Variants in PMS2 observed in about 807,000 individuals in gnomAD.
PMS2 encodes the protein PMS1 homolog 2, mismatch repair system component.
PMS2 carries 69 observed loss-of-function variants against 90.0 expected under a neutral mutation model. That is an observed-to-expected ratio of 0.77 (90% CI 0.63 to 0.94). PMS2 has a LOEUF of 0.94. Among genes scored for constraint, PMS2 ranks in the 40% least tolerant of loss-of-function variants. The probability of loss-of-function intolerance (pLI) is 0.00; values close to 1 mark genes in which losing one functional copy is unlikely to be tolerated. For missense variants in PMS2, 966 were observed against 1,040.2 expected (o/e 0.93, Z 0.98); for synonymous variants, 332 against 375.1 (o/e 0.89, Z 1.33).
At chr7:6,008,587 C>CA (rs912531856) in intron 1 of PMS2, among the ~76,000 whole-genome samples, 8 of 148,712 alleles carry the variant, frequency 5.4e-5, no homozygotes, top group Admixed American at 2.7e-4. Flanking sequence ...CCCGTCTCTA[C>CA]AAAAAAAAAT....
At chr7:5,985,578 G>A (rs1782771407) in intron 11 of PMS2, among the ~76,000 whole-genome samples, 1 of 147,546 alleles carries the variant, frequency 6.8e-6, no homozygotes, top group Admixed American at 6.8e-5. Context: ...TTTTGAGATG[G>A]AGTTCGCTCT....
rs1034924383 is a variant in PMS2 at position 6,000,265 on chromosome 7, T to C, written c.538-990A>G. On this transcript the variant is annotated intron_variant, in intron 5 of 14. Coordinates refer to ENST00000265849, the MANE Select transcript of PMS2 (RefSeq NM_000535.7). ...AGCACGGGCCTGGAGTCCCAGCTAC[T>C]TGGGAGGCTGAAGTGGGAAGATTCA... Among the ~76,000 whole-genome samples the C allele has an allele frequency of 4.6e-5, 7 of 151,538 alleles. No homozygotes were observed. In the Admixed American group the frequency reaches 4.6e-4, roughly 10 times the overall value.
Position 5,988,983 on chromosome 7 carries a change from G to C in PMS2, c.1144+817C>G, listed in dbSNP as rs577779232. ...CCATTCTCCTGAGTCAGCCTCCTGA[G>C]TAGCTGGGACTACAGGCGCCCGCCA... On this transcript the variant is annotated intron_variant, in intron 10 of 14. Coordinates refer to ENST00000265849, the MANE Select transcript of PMS2 (RefSeq NM_000535.7). Among the ~76,000 whole-genome samples, 9 of 152,172 alleles carry C rather than the reference G, an allele frequency of 5.9e-5. No individual in the cohort carries two copies. The South Asian group carries it at 1.5e-3, about 25-fold the overall frequency.
Position 5,987,494 on chromosome 7 carries a change from A to G in PMS2, c.1271T>C (p.Phe424Ser), listed in dbSNP as rs876661186. The G allele has an allele frequency of 6.2e-7, 1 of 1,614,156 alleles. No individual in the cohort carries two copies. Among genetic ancestry groups the G allele is most frequent in the Non-Finnish European group, 8.5e-7 (1 of 1,180,026 alleles). The change falls in exon 11 of 15, where the codon TTT becomes TCT. Residue 424 changes from phenylalanine (F) to serine (S), a missense_variant. Around this residue, in one of 2 missense-constraint regions of PMS2, gnomAD observed 871 missense variants for 802.4 expected, o/e 1.09. Coordinates refer to ENST00000265849, the MANE Select transcript of PMS2 (RefSeq NM_000535.7). ...DVSISRLREA[F>S]SLRHTTENKP... ...GTTCTCTGTTGTGTGACGAAGAGAA[A>G]AGGCCTCTCGCAGTCTGGAAATGGA...
chr7:5,993,862 C>CAAAAAAA (rs61677497), intron 8 of PMS2, among the ~76,000 whole-genome samples: 2 of 38,938 alleles, frequency 5.1e-5, no homozygotes, highest in African/African-American at 1.2e-4. Context: ...GACTCTGTCT[C>CAAAAAAA]AAAAAAAAAA....
At chr7:6,002,296 T>C in intron 5 of PMS2, 157 bp downstream of exon 5, 1 of 641,562 alleles carries the variant, frequency 1.6e-6, no homozygotes, top group East Asian at 2.7e-5. Flanking sequence ...ATCCTAAAGT[T>C]AAGTCTTTAA....
At chr7:5,995,440 C>A in intron 8 of PMS2, 94 bp downstream of exon 8, 1 of 783,740 alleles carries the variant, frequency 1.3e-6, no homozygotes, top group East Asian at 2.5e-5. Flanking sequence ...CTCAAAGTCC[C>A]GAGCTCCACG....
Position 5,991,814 on chromosome 7 carries a change from G to A in PMS2, c.988+159C>T, listed in dbSNP as rs151093915. Among the ~76,000 whole-genome samples, 1,221 of 152,168 alleles carry A rather than the reference G, an allele frequency of 8.0e-3. 9 individuals carry two copies. Among genetic ancestry groups the A allele is most frequent in the Non-Finnish European group, 0.012 (784 of 68,010 alleles). ...AGATCACGCCACCACACTCCAGCCT[G>A]GGTGACAGAGCAAGACCCCGTCTCA... On this transcript the variant is annotated intron_variant, in intron 9 of 14. Transcript: ENST00000265849.
intron 8 of PMS2, among the ~76,000 whole-genome samples, chr7:5,994,654 T>G (rs1562660361): frequency 6.6e-6 from 1 of 151,490 alleles, no homozygotes. Context: ...CAGGCACCTG[T>G]AGTCCCAGCT....
At position 6,002,534 on chromosome 7, in the gene PMS2, G is replaced by A. The variant is rs1057522031; in HGVS notation, c.456C>T (p.Pro152=). ...KIIQKTPYPR[P]RGTTVSVQQL... is the part of the protein sequence containing the mutation. ...GCTGCACGCTGACTGTGGTCCCTCT[G>A]GGGCGGGGGTAGGGGGTTTTCTGGA... The change falls in exon 5 of 15, where the codon CCC becomes CCT. Residue 152 remains proline, a synonymous_variant. Coordinates refer to ENST00000265849, the MANE Select transcript of PMS2 (RefSeq NM_000535.7). 1 of 1,611,750 alleles carries A rather than the reference G, an allele frequency of 6.2e-7. No individual in the cohort carries two copies. The highest frequency in any genetic ancestry group is 8.5e-7 in the Non-Finnish European group (1 of 1,179,670).
rs1272859168 is a variant in PMS2, at chr7:5,977,870, T to C, written c.2276-113A>G. ...CGTGGTGGCTCACGCCTGTAATCCC[T>C]GCACTTTGGGAGGCTGAGGCCAGCG... On this transcript the variant is annotated intron_variant, in intron 13 of 14. Transcript: ENST00000265849. 1.1e-4 allele frequency: 167 copies of C among 1,507,422 alleles called. 4 individuals are homozygous for C. In the Admixed American group the frequency reaches 2.7e-3, roughly 25 times the overall value. 93.4% of individuals were successfully genotyped at this position (1,507,422 alleles called of 1,614,324 possible). A position where few individuals can be genotyped will look rare whatever the true frequency, so the allele number is the denominator to read the frequency against.
intron 9 of PMS2, among the ~76,000 whole-genome samples, chr7:5,990,300 G>A (rs1177794947): frequency 1.3e-5 from 2 of 152,134 alleles, no homozygotes; most frequent in South Asian, 2.1e-4. Flanking sequence ...GAGCCACCGC[G>A]CCCAGCCAAA....
chr7:5,977,955 T>C (rs1781883738), intron 13 of PMS2, among the ~76,000 whole-genome samples, 198 bp from the exon 14 acceptor site: 1 of 150,208 alleles, frequency 6.7e-6, no homozygotes, highest in South Asian at 2.1e-4. Flanking sequence ...CCGTCTCTAC[T>C]AAAAAATAGA....
intron 7 of PMS2, among the ~76,000 whole-genome samples, chr7:5,996,171 T>C (rs776292510): frequency 1.3e-5 from 2 of 152,126 alleles, no homozygotes; most frequent in Non-Finnish European, 2.9e-5. Context: ...TAAAGCTCCA[T>C]GTTTACCATT....
chr7:5,996,034 C>T (rs1416377004), intron 7 of PMS2, among the ~76,000 whole-genome samples: 2 of 152,054 alleles, frequency 1.3e-5, no homozygotes, highest in African/African-American at 4.8e-5. Flanking sequence ...GCCCACATTC[C>T]CTCCCCTTTC....
chr7:6,008,284 T>A (rs1215529018), intron 1 of PMS2, among the ~76,000 whole-genome samples: 1 of 152,198 alleles, frequency 6.6e-6, no homozygotes, highest in African/African-American at 2.4e-5. Context: ...GAGAGCAAAT[T>A]TGCGTTTACA....
At chr7:5,997,454 C>T (rs1784556526) in intron 6 of PMS2, 31 bp from the exon 7 acceptor site, 10 of 1,228,758 alleles carry the variant, frequency 8.1e-6, no homozygotes, top group Non-Finnish European at 1.2e-5. Flanking sequence ...TTCACAGTTA[C>T]TTCCTAATAA....
chr7:6,000,717 G>A (rs186007923), intron 5 of PMS2, among the ~76,000 whole-genome samples: 195 of 152,038 alleles, frequency 1.3e-3, no homozygotes, highest in African/African-American at 4.4e-3. Context: ...GCAGCCAAGT[G>A]CAGTGGCTCA....
chr7:6,001,874 T>C (rs1366241683), intron 5 of PMS2: 1 of 151,972 alleles, frequency 6.6e-6, no homozygotes, highest in Non-Finnish European at 1.5e-5. Flanking sequence ...ACGCCTGTAA[T>C]TGCAGCTACT....
Sources: allele counts gnomAD v4.1 joint callset (sites outside exome capture counted in the v4.1 genomes callset), GRCh38; gene constraint gnomAD v4.1.1; regional missense constraint gnomAD v4.1.1; transcripts MANE v1.5; gene names NCBI Gene and HGNC (gene_info 2026-07-23, HGNC 2026-07-21).